IGFL2: variants seen among roughly 807,000 people sequenced by gnomAD.
IGFL2 encodes insulin growth factor-like family member 2.
In IGFL2, 7 loss-of-function variants were observed where a neutral mutation model predicts 13.9. The observed-to-expected ratio is 0.51, with a 90% CI of 0.29 to 0.95. The LOEUF (loss-of-function observed/expected upper bound fraction) is 0.95. Among genes scored for constraint, IGFL2 ranks in the 40% least tolerant of loss-of-function variants. The pLI, the probability that IGFL2 is intolerant of heterozygous loss-of-function variation, is 0.08. For synonymous variants in IGFL2, 55 were observed against 55.8 expected, an observed-to-expected ratio of 0.99 and a Z score of 0.07; for missense variants, 138 against 147.8, an observed-to-expected ratio of 0.93 and a Z score of 0.34.
At chr19:46,188,680 C>T in the IGFL2 span, among the ~76,000 whole-genome samples, 1 of 152,334 alleles carries the variant, frequency 6.6e-6, no homozygotes, top group Non-Finnish European at 1.5e-5. Flanking sequence ...GGGACCCATA[C>T]CCAGCTGGCC....
At chr19:46,132,658 G>A in the IGFL2 span, among the ~76,000 whole-genome samples, 8,474 of 149,090 alleles carry the variant, frequency 0.057, 275 homozygotes, top group Middle Eastern at 0.075. Flanking sequence ...GAGGGAAAAC[G>A]ATAGAGGGAG....
chr19:46,119,144 G>T, the IGFL2 span, among the ~76,000 whole-genome samples: 11 of 152,118 alleles, frequency 7.2e-5, no homozygotes, highest in Admixed American at 6.5e-4. Context: ...TCCACACCCT[G>T]CTGGGAGAGG....
At chr19:46,145,086 C>T (rs149505012), upstream of IGFL2, among the ~76,000 whole-genome samples, 595 of 152,088 alleles carry the variant, frequency 3.9e-3, 3 homozygotes, top group African/African-American at 0.012. Context: ...ATACTATGAA[C>T]GATTGTGCTT....
At chr19:46,086,069 A>AT in the IGFL2 span, among the ~76,000 whole-genome samples, 1 of 151,676 alleles carries the variant, frequency 6.6e-6, no homozygotes, top group Non-Finnish European at 1.5e-5. Context: ...AAGTTCTGGG[A>AT]TTCTTTCTTC....
the IGFL2 span, among the ~76,000 whole-genome samples, chr19:46,118,586 C>T: frequency 2.0e-5 from 3 of 152,308 alleles, no homozygotes; most frequent in Non-Finnish European, 1.5e-5. Flanking sequence ...AAAGGGAACC[C>T]CCACACACTC....
At chr19:46,152,481 G>A (rs1411250430) in intron 1 of IGFL2, among the ~76,000 whole-genome samples, 1 of 151,888 alleles carries the variant, frequency 6.6e-6, no homozygotes, top group Non-Finnish European at 1.5e-5. Context: ...ATGGGGTCTC[G>A]CTATGTTGAC....
rs530175601 is a variant in IGFL2, at chr19:46,156,507, C to T, written c.20-3908C>T. On this transcript the variant is annotated intron_variant, in intron 1 of 3. Transcript: ENST00000377693. ...AAGCTAATGACTACAGAAAGATCTC[C>T]AAGCACTTGGCAGCTAAGCAACACA... 8.3e-4 allele frequency among the ~76,000 whole-genome samples: 126 copies of T among 152,224 alleles called. 2 individuals are homozygous for T. The Middle Eastern group carries it at 0.017, about 21-fold the overall frequency.
the IGFL2 span, chr19:46,202,745 C>T: frequency 6.6e-5 from 10 of 152,044 alleles, no homozygotes; most frequent in African/African-American, 1.9e-4. Flanking sequence ...CTACCAGAAA[C>T]GGAAAGGAAC....
the IGFL2 span, chr19:46,198,362 C>T: frequency 6.6e-6 from 1 of 152,008 alleles, no homozygotes; most frequent in African/African-American, 2.4e-5. Context: ...AATTCTTCCT[C>T]CTCGGCCTCC....
At chr19:46,121,834 T>C in the IGFL2 span, among the ~76,000 whole-genome samples, 2 of 150,960 alleles carry the variant, frequency 1.3e-5, no homozygotes, top group African/African-American at 4.9e-5. Flanking sequence ...ATTTTATAGG[T>C]TGGTGCTTGT....
the IGFL2 span, among the ~76,000 whole-genome samples, chr19:46,132,759 G>A: frequency 6.6e-6 from 1 of 151,348 alleles, no homozygotes; most frequent in African/African-American, 2.4e-5. Context: ...AGGGAAGGAG[G>A]GAGAAAGGGA....
chr19:46,166,573 A>G, the IGFL2 span, among the ~76,000 whole-genome samples: 1 of 152,188 alleles, frequency 6.6e-6, no homozygotes, highest in Admixed American at 6.5e-5. Flanking sequence ...TCTGACCAAA[A>G]TTTATTAGGC....
the IGFL2 span, chr19:46,196,260 G>T: frequency 3.9e-6 from 1 of 257,638 alleles, no homozygotes. Context: ...GCCACATCTT[G>T]GGTAAGGAGG....
chr19:46,125,866 AAAT>A, the IGFL2 span, among the ~76,000 whole-genome samples: 5 of 152,334 alleles, frequency 3.3e-5, no homozygotes, highest in East Asian at 3.9e-4. Context: ...TACAAAGGAC[AAAT>A]AATAATATCT....
At chr19:46,136,973 GT>G in the IGFL2 span, 2 of 1,477,818 alleles carry the variant, frequency 1.4e-6, no homozygotes, top group Admixed American at 1.7e-5. Flanking sequence ...GTATATCTGT[GT>G]TTTGTCCCAC....
the IGFL2 span, among the ~76,000 whole-genome samples, chr19:46,197,483 T>C: frequency 6.6e-6 from 1 of 152,016 alleles, no homozygotes; most frequent in Non-Finnish European, 1.5e-5. Context: ...ATTGCTGGCC[T>C]CTCCTCCTGG....
intron 1 of IGFL2, among the ~76,000 whole-genome samples, chr19:46,157,093 GT>G (rs771686967): frequency 3.3e-5 from 5 of 152,108 alleles, no homozygotes; most frequent in Non-Finnish European, 5.9e-5. Flanking sequence ...CATCATTTTA[GT>G]AGCCTTATAA....
chr19:46,171,761 A>T, the IGFL2 span, among the ~76,000 whole-genome samples: 1 of 152,324 alleles, frequency 6.6e-6, no homozygotes, highest in Non-Finnish European at 1.5e-5. Flanking sequence ...ACTCCCCATC[A>T]GTATGAAGCT....
At chr19:46,102,847 A>G in the IGFL2 span, among the ~76,000 whole-genome samples, 1 of 152,100 alleles carries the variant, frequency 6.6e-6, no homozygotes, top group Non-Finnish European at 1.5e-5. Context: ...ATGGAGAGAT[A>G]ATGGGCAATT....
Sources: allele counts gnomAD v4.1 joint callset (sites outside exome capture counted in the v4.1 genomes callset), GRCh38; gene constraint gnomAD v4.1.1; transcripts MANE v1.5; gene names NCBI Gene and HGNC (gene_info 2026-07-23, HGNC 2026-07-21).